Variants in PCDH15 observed in about 807,000 individuals in gnomAD.
PCDH15 encodes protocadherin related 15, also known as protocadherin-15.
PCDH15 carries 129 observed loss-of-function variants against 178.5 expected under a neutral mutation model. The ratio of observed to expected loss-of-function variants is 0.72; its 90% CI spans 0.63 to 0.84. The LOEUF is 0.84. Among genes scored for constraint, PCDH15 ranks in the 40% least tolerant of loss-of-function variants. The pLI is 0.00. For synonymous variants in PCDH15, 800 were observed against 732.0 expected (o/e 1.09, Z -1.50); for missense variants, 2,230 against 2,099.9 (o/e 1.06, Z -1.21).
intron 2 of PCDH15, among the ~76,000 whole-genome samples, chr10:55,582,636 T>TTG: frequency 7.4e-6 from 1 of 135,482 alleles, no homozygotes; most frequent in Admixed American, 7.2e-5. Flanking sequence ...ATATTTTTTT[T>TTG]TTTTTGCTAT....
chr10:55,014,555 G>T (rs371102567), intron 2 of PCDH15, among the ~76,000 whole-genome samples: 1 of 151,896 alleles, frequency 6.6e-6, no homozygotes, highest in Non-Finnish European at 1.5e-5. Context: ...GTGAAAAAAT[G>T]AAAAAATGAA....
chr10:54,972,599 A>C (rs1371898178), intron 2 of PCDH15, among the ~76,000 whole-genome samples: 1 of 152,034 alleles, frequency 6.6e-6, no homozygotes, highest in Non-Finnish European at 1.5e-5. Flanking sequence ...CTGTAATCCC[A>C]GCACTTTTGG....
In PCDH15 at chr10:53,980,873, T is replaced by A. The variant is rs553434770; in HGVS notation, c.2868+14776A>T. Among the ~76,000 whole-genome samples, 4 of 152,358 alleles carry A rather than the reference T, an allele frequency of 2.6e-5. No individual in the cohort carries two copies. In the East Asian group the frequency reaches 7.7e-4, roughly 29 times the overall value. ...TTATAAAGGAATCAATTTTTTTTGG[T>A]TCATGATTTAGGTATCTTTCTAAAT... On this transcript the variant is annotated intron_variant, in intron 21 of 37. Transcript: ENST00000644397.
chr10:54,572,013 G>C (rs138408752), intron 2 of PCDH15, among the ~76,000 whole-genome samples: 320 of 152,172 alleles, frequency 2.1e-3, no homozygotes, highest in African/African-American at 7.2e-3. Flanking sequence ...TGGGGATTTG[G>C]ATAATTTATT....
At chr10:55,364,107 T>C (rs533963659) in intron 2 of PCDH15, among the ~76,000 whole-genome samples, 21 of 152,084 alleles carry the variant, frequency 1.4e-4, no homozygotes, top group Non-Finnish European at 2.9e-4. Flanking sequence ...TATAAGGGGC[T>C]CTCCCCACTC....
intron 2 of PCDH15, among the ~76,000 whole-genome samples, chr10:54,944,515 G>T (rs1838144271): frequency 6.6e-6 from 1 of 151,908 alleles, no homozygotes; most frequent in Non-Finnish European, 1.5e-5. Context: ...TAATGCTCAA[G>T]AATTATCTAG....
chr10:54,512,036 C>T (rs1397299785), intron 3 of PCDH15, among the ~76,000 whole-genome samples: 2 of 152,034 alleles, frequency 1.3e-5, no homozygotes, highest in Non-Finnish European at 2.9e-5. Flanking sequence ...CTTTCAAATT[C>T]CAAGTTGACA....
At chr10:55,511,853 A>C (rs1206590936) in intron 2 of PCDH15, among the ~76,000 whole-genome samples, 1 of 152,198 alleles carries the variant, frequency 6.6e-6, no homozygotes, top group African/African-American at 2.4e-5. Context: ...TTACTCAAGT[A>C]AAGAATGTAG....
At chr10:55,240,735 C>T (rs1841519630) in intron 1 of PCDH15, among the ~76,000 whole-genome samples, 2 of 152,162 alleles carry the variant, frequency 1.3e-5, no homozygotes, top group Admixed American at 1.3e-4. Context: ...TCCTTATTCG[C>T]CTTATTACTA....
intron 2 of PCDH15, among the ~76,000 whole-genome samples, chr10:54,574,402 G>T (rs1181054991): frequency 6.6e-6 from 1 of 151,514 alleles, no homozygotes; most frequent in Non-Finnish European, 1.5e-5. Flanking sequence ...TTTTGGTACC[G>T]GTACCATGCT....
intron 2 of PCDH15, among the ~76,000 whole-genome samples, chr10:55,105,317 A>T (rs879259308): frequency 6.6e-6 from 1 of 152,136 alleles, no homozygotes; most frequent in Non-Finnish European, 1.5e-5. Context: ...ATCTCCAAAA[A>T]GTTTTCTAAA....
At chr10:54,486,302 C>T (rs1189959944) in intron 3 of PCDH15, 2 of 151,948 alleles carry the variant, frequency 1.3e-5, no homozygotes, top group Admixed American at 6.6e-5. Flanking sequence ...TTAACAGGTG[C>T]TCATTTTCAT....
intron 7 of PCDH15, among the ~76,000 whole-genome samples, chr10:54,329,338 A>G (rs1239446128): frequency 6.6e-6 from 1 of 151,914 alleles, no homozygotes; most frequent in Non-Finnish European, 1.5e-5. Flanking sequence ...TTTGAAAAAT[A>G]TTTCAGTATA....
chr10:55,038,485 G>A lies in PCDH15; in HGVS notation c.-80+128091C>T, dbSNP rs554355676. On this transcript the variant is annotated intron_variant, in intron 2 of 5. Coordinates refer to the PCDH15 transcript ENST00000458638. The stretch of plus-strand genomic sequence containing the variant: ...AACTTGTTTTCTTATGCTAACCAAT[G>A]GTTGTGGGCCACACTTAAAGTGAGG... 6.6e-5 allele frequency among the ~76,000 whole-genome samples: 10 copies of A among 152,272 alleles called. No individual in the cohort carries two copies. The South Asian group carries it at 2.1e-3, about 32-fold the overall frequency.
intron 2 of PCDH15, among the ~76,000 whole-genome samples, chr10:55,098,335 G>C (rs1340647902): frequency 6.6e-6 from 1 of 152,078 alleles, no homozygotes; most frequent in African/African-American, 2.4e-5. Flanking sequence ...TTTGGTATAG[G>C]AGTTAAAAAG....
intron 8 of PCDH15, among the ~76,000 whole-genome samples, chr10:54,298,511 G>T (rs1014452448): frequency 1.3e-5 from 2 of 152,184 alleles, no homozygotes; most frequent in Non-Finnish European, 2.9e-5. Context: ...AGTGTGGCTT[G>T]CAAGGACACC....
chr10:54,462,680 A>ATTTTTTTT (rs767750465), intron 3 of PCDH15, among the ~76,000 whole-genome samples: 3 of 56,240 alleles, frequency 5.3e-5, no homozygotes, highest in African/African-American at 8.9e-5. Context: ...CACCTGCTTA[A>ATTTTTTTT]TTTTTTTTTT....
chr10:54,402,130 A>G (rs1952008772), intron 3 of PCDH15, among the ~76,000 whole-genome samples: 2 of 151,934 alleles, frequency 1.3e-5, no homozygotes, highest in South Asian at 4.1e-4. Flanking sequence ...GTGAGGGAAA[A>G]AAACATAACT....
intron 1 of PCDH15, among the ~76,000 whole-genome samples, chr10:54,722,220 A>G (rs1361000398): frequency 2.0e-5 from 3 of 151,854 alleles, no homozygotes; most frequent in African/African-American, 7.2e-5. Context: ...ATACCTCAAT[A>G]TAATAAGAGC....
Sources: allele counts gnomAD v4.1 joint callset (sites outside exome capture counted in the v4.1 genomes callset), GRCh38; gene constraint gnomAD v4.1.1; transcripts MANE v1.5; gene names NCBI Gene and HGNC (gene_info 2026-07-23, HGNC 2026-07-21).